ATP13A5: variants seen among roughly 807,000 people sequenced by gnomAD.
ATP13A5 encodes the protein ATPase 13A5, also known as probable cation-transporting ATPase 13A5.
A neutral mutation model predicts 150.2 loss-of-function variants in ATP13A5; 149 were observed. The ratio of observed to expected loss-of-function variants is 0.99; its 90% CI spans 0.87 to 1.14. The LOEUF (loss-of-function observed/expected upper bound fraction) is 1.14. Among genes scored for constraint, ATP13A5 ranks in the 50% most tolerant of loss-of-function variants. The pLI, the probability that ATP13A5 is intolerant of heterozygous loss-of-function variation, is 0.00. For missense variants in ATP13A5, 1,383 were observed against 1,449.3 expected (o/e 0.95, Z 0.74); for synonymous variants, 497 against 522.2 (o/e 0.95, Z 0.66).
intron 14 of ATP13A5, 114 bp from the exon 15 acceptor site, chr3:193,322,688 C>A: frequency 1.4e-6 from 1 of 740,388 alleles, no homozygotes; most frequent in Non-Finnish European, 2.2e-6. Context: ...CATATTTTCT[C>A]TTCCAGGCCA....
intron 26 of ATP13A5, among the ~76,000 whole-genome samples, chr3:193,286,410 T>G (rs1717724618): frequency 6.6e-6 from 1 of 152,182 alleles, no homozygotes; most frequent in Non-Finnish European, 1.5e-5. Flanking sequence ...ATCTAGCAAG[T>G]CTATTGGCAC....
intron 1 of ATP13A5, among the ~76,000 whole-genome samples, chr3:193,370,572 C>T (rs1037920459): frequency 1.3e-5 from 2 of 152,158 alleles, no homozygotes; most frequent in Non-Finnish European, 2.9e-5. Flanking sequence ...ACTTCTGATG[C>T]CTTAATTTCC....
intron 12 of ATP13A5, 131 bp from the exon 13 acceptor site, chr3:193,327,188 A>G (rs1439640110): frequency 1.3e-6 from 1 of 762,518 alleles, no homozygotes; most frequent in Non-Finnish European, 2.1e-6. Flanking sequence ...TATAAGTACC[A>G]AATTTTAAAT....
intron 9 of ATP13A5, among the ~76,000 whole-genome samples, chr3:193,335,979 A>G (rs918032674): frequency 1.3e-5 from 2 of 152,194 alleles, no homozygotes; most frequent in Admixed American, 6.6e-5. Flanking sequence ...AAAGATGTTA[A>G]TAATAATTTT....
At chr3:193,363,482 C>G in intron 2 of ATP13A5, 100 bp from the exon 3 acceptor site, 1 of 1,070,650 alleles carries the variant, frequency 9.3e-7, no homozygotes, top group Non-Finnish European at 1.3e-6. Context: ...TTGACCCAAA[C>G]AAGCGCATCA....
intron 1 of ATP13A5, among the ~76,000 whole-genome samples, chr3:193,374,451 T>A (rs1190352337): frequency 6.6e-6 from 1 of 152,064 alleles, no homozygotes; most frequent in Non-Finnish European, 1.5e-5. Context: ...GAGACCAGCC[T>A]GGAAAACGTA....
intron 6 of ATP13A5, among the ~76,000 whole-genome samples, chr3:193,351,950 C>A (rs1712579489): frequency 6.6e-6 from 1 of 152,144 alleles, no homozygotes; most frequent in Non-Finnish European, 1.5e-5. Flanking sequence ...GCAGAGAGGG[C>A]AAACCTGAGA....
At chr3:193,370,878 G>C (rs1713415296) in intron 1 of ATP13A5, among the ~76,000 whole-genome samples, 1 of 152,152 alleles carries the variant, frequency 6.6e-6, no homozygotes, top group Admixed American at 6.6e-5. Context: ...AAATCATTCA[G>C]TCTGGAGTAA....
At chr3:193,378,620 T>G in intron 1 of ATP13A5, 43 bp downstream of exon 1, 1 of 1,534,190 alleles carries the variant, frequency 6.5e-7, no homozygotes, top group Non-Finnish European at 9.0e-7. Flanking sequence ...ACTCACCGCC[T>G]TGGGCTCTTT....
chr3:193,322,729 T>G (rs1478479139), intron 14 of ATP13A5, among the ~76,000 whole-genome samples, 155 bp from the exon 15 acceptor site: 3 of 152,240 alleles, frequency 2.0e-5, no homozygotes, highest in Non-Finnish European at 2.9e-5. Flanking sequence ...GTCAAATTTC[T>G]GTTGTATCGA....
At chr3:193,297,950 C>A (rs756595398) in intron 25 of ATP13A5, among the ~76,000 whole-genome samples, 6 of 152,090 alleles carry the variant, frequency 3.9e-5, no homozygotes, top group Non-Finnish European at 7.4e-5. Flanking sequence ...TCTTCAAGTG[C>A]TCAGAGAGCT....
At chr3:193,313,317 T>G (rs1718924362) in intron 19 of ATP13A5, 1 of 152,194 alleles carries the variant, frequency 6.6e-6, no homozygotes, top group Non-Finnish European at 1.5e-5. Context: ...GCTCTATACT[T>G]AACAATCTGA....
At chr3:193,278,086 G>A (rs753788358) in intron 28 of ATP13A5, among the ~76,000 whole-genome samples, 7 of 152,160 alleles carry the variant, frequency 4.6e-5, no homozygotes, top group Non-Finnish European at 8.8e-5. Flanking sequence ...TTACAGGCAT[G>A]AGCCACCATG....
intron 25 of ATP13A5, among the ~76,000 whole-genome samples, chr3:193,297,687 A>G (rs1718229056): frequency 6.6e-6 from 1 of 152,014 alleles, no homozygotes; most frequent in South Asian, 2.1e-4. Context: ...GCACTCCCAT[A>G]GAGCCCATTC....
chr3:193,275,222 A>G lies in ATP13A5; in HGVS notation c.3477T>C (p.Thr1159=), dbSNP rs773493522. The G allele has an allele frequency of 3.7e-6, 6 of 1,614,206 alleles. No individual in the cohort carries two copies. The highest frequency in any genetic ancestry group is 5.1e-6 in the Non-Finnish European group (6 of 1,180,042). The change falls in exon 30 of 30, where the codon ACT becomes ACC. Residue 1159 remains threonine (T), a synonymous_variant. Coordinates refer to ENST00000342358, the MANE Select transcript of ATP13A5 (RefSeq NM_198505.4). The part of the protein sequence containing the change: ...FGFYSKSQYR[T]WQKKLAEDST... ...AGTCTTCTGCTAGCTTCTTTTGCCA[A>G]GTCCTATATTGACTTTTAGAGTAGA...
chr3:193,322,649 A>G, intron 14 of ATP13A5, 75 bp from the exon 15 acceptor site: 1 of 1,073,740 alleles, frequency 9.3e-7, no homozygotes, highest in East Asian at 2.5e-5. Flanking sequence ...TATTTGCACA[A>G]TACTTTAATC....
At chr3:193,345,382 T>C (rs916096855) in intron 7 of ATP13A5, among the ~76,000 whole-genome samples, 2 of 151,982 alleles carry the variant, frequency 1.3e-5, no homozygotes, top group Non-Finnish European at 2.9e-5. Context: ...TTAAATTTAA[T>C]GGGAGTTTAA....
chr3:193,354,892 G>T (rs1189503857), intron 5 of ATP13A5, among the ~76,000 whole-genome samples: 4 of 150,334 alleles, frequency 2.7e-5, no homozygotes, highest in Non-Finnish European at 1.5e-5. Context: ...ATTCAGTGCG[G>T]CATGTAGCCA....
At chr3:193,305,938 G>T (rs1397675092) in intron 22 of ATP13A5, among the ~76,000 whole-genome samples, 1 of 152,018 alleles carries the variant, frequency 6.6e-6, no homozygotes, top group Non-Finnish European at 1.5e-5. Flanking sequence ...GGCCCTGCCT[G>T]TGGGGATTAT....
Sources: gnomAD v4.1 joint callset for allele counts (sites outside exome capture counted in the v4.1 genomes callset) on GRCh38, gnomAD v4.1.1 for gene constraint, MANE v1.5 for transcripts, NCBI Gene and HGNC (gene_info 2026-07-23, HGNC 2026-07-21) for gene names.